PCDH15: variants seen among roughly 807,000 people sequenced by gnomAD.
PCDH15 encodes the protein protocadherin-15.
In PCDH15, 129 loss-of-function variants were observed where a neutral mutation model predicts 178.5. The observed-to-expected ratio is 0.72, with a 90% CI of 0.63 to 0.84. The LOEUF is 0.84. PCDH15 is among the 40% of genes least tolerant of loss of function. PCDH15 has a pLI of 0.00. For synonymous variants in PCDH15, 800 were observed against 732.0 expected, an observed-to-expected ratio of 1.09 and a Z score of -1.50; for missense variants, 2,230 against 2,099.9, an observed-to-expected ratio of 1.06 and a Z score of -1.21.
intron 3 of PCDH15, among the ~76,000 whole-genome samples, chr10:54,489,334 T>C (rs1314476171): frequency 6.7e-6 from 1 of 148,334 alleles, no homozygotes; most frequent in African/African-American, 2.4e-5. Flanking sequence ...TACAATTTAG[T>C]GTGCCTTTTA....
rs1303774226 is a variant in PCDH15 at position 54,169,997 on chromosome 10, A to G, written c.1590+13447T>C. Among the ~76,000 whole-genome samples, 4 of 150,472 alleles carry G rather than the reference A, an allele frequency of 2.7e-5. No individual in the cohort carries two copies. In the East Asian group the frequency reaches 5.8e-4, roughly 22 times the overall value. On this transcript the variant is annotated intron_variant, in intron 13 of 37. Transcript: ENST00000644397. ...CCTCTATAACCCATTATTCTGTTCT[A>G]GATCTCAAACATGCTTTCTTTACTA...
Position 54,763,498 on chromosome 10 carries a change from G to A in PCDH15, c.-29+37427C>T, listed in dbSNP as rs114690110. 7.5e-3 allele frequency among the ~76,000 whole-genome samples: 1,146 copies of A among 152,100 alleles called. 14 individuals are homozygous for A. The highest frequency in any genetic ancestry group is 0.026 in the African/African-American group (1,065 of 41,456). ...ACTGTGTGGAGTTTATTTGGTTAAT[G>A]GGACCAAACATACAGTTAGGTAGAA... On this transcript the variant is annotated intron_variant, in intron 1 of 37. Coordinates refer to ENST00000644397, the MANE Select transcript of PCDH15 (RefSeq NM_001384140.1).
At chr10:54,566,042 C>A (rs761788320) in intron 2 of PCDH15, among the ~76,000 whole-genome samples, 6 of 152,162 alleles carry the variant, frequency 3.9e-5, no homozygotes, top group African/African-American at 1.2e-4. Flanking sequence ...TGAGATCGTG[C>A]CATTTCACTC....
chr10:55,131,203 T>C (rs1424477359), intron 2 of PCDH15, among the ~76,000 whole-genome samples: 1 of 152,130 alleles, frequency 6.6e-6, no homozygotes. Context: ...TCATCCCTCT[T>C]TCCCCACTAC....
intron 2 of PCDH15, among the ~76,000 whole-genome samples, chr10:55,520,567 G>A (rs892761149): frequency 6.7e-6 from 1 of 148,760 alleles, no homozygotes; most frequent in African/African-American, 2.5e-5. Flanking sequence ...TTTTATTCTA[G>A]GAAGAACATA....
chr10:53,986,969 AC>A (rs796996989), intron 21 of PCDH15, among the ~76,000 whole-genome samples: 109 of 152,224 alleles, frequency 7.2e-4, no homozygotes, highest in Middle Eastern at 3.4e-3. Context: ...TGAAGTTGAA[AC>A]CAGACATTCT....
chr10:55,147,846 C>T (rs1838573490), intron 2 of PCDH15, among the ~76,000 whole-genome samples: 2 of 151,306 alleles, frequency 1.3e-5, no homozygotes, highest in Non-Finnish European at 3.0e-5. Flanking sequence ...TTCTCCTCTT[C>T]CTGTCTATCT....
At chr10:53,961,727 C>G in intron 22 of PCDH15, 25 bp downstream of exon 22, 1 of 1,578,784 alleles carries the variant, frequency 6.3e-7, no homozygotes, top group Non-Finnish European at 8.6e-7. Context: ...ATCAAATAGA[C>G]CACATAATGA....
chr10:53,841,962 A>C (rs927914588), intron 28 of PCDH15, among the ~76,000 whole-genome samples: 1 of 151,826 alleles, frequency 6.6e-6, no homozygotes, highest in Non-Finnish European at 1.5e-5. Context: ...AAAAAAAAAA[A>C]AAACAACCCC....
intron 2 of PCDH15, among the ~76,000 whole-genome samples, chr10:54,631,069 G>A (rs933934221): frequency 2.6e-5 from 4 of 152,120 alleles, no homozygotes; most frequent in South Asian, 2.1e-4. Flanking sequence ...TGTAATCCCC[G>A]ATGTTGGAGG....
At chr10:54,634,477 T>TCC (rs2093792701) in intron 2 of PCDH15, among the ~76,000 whole-genome samples, 1 of 152,086 alleles carries the variant, frequency 6.6e-6, no homozygotes, top group Non-Finnish European at 1.5e-5. Flanking sequence ...GTCTCTGGAC[T>TCC]TACTGTATTT....
At chr10:55,159,443 A>T (rs1838999543) in intron 2 of PCDH15, among the ~76,000 whole-genome samples, 1 of 149,384 alleles carries the variant, frequency 6.7e-6, no homozygotes. Context: ...CTACCTATAC[A>T]TACACTATAC....
chr10:54,695,066 G>A (rs2095198426), intron 1 of PCDH15, among the ~76,000 whole-genome samples: 2 of 151,866 alleles, frequency 1.3e-5, no homozygotes, highest in African/African-American at 4.8e-5. Context: ...TTGTGGGGTA[G>A]GGGGAGGGGG....
At chr10:55,300,470 G>A (rs1843245154) in intron 1 of PCDH15, among the ~76,000 whole-genome samples, 1 of 152,062 alleles carries the variant, frequency 6.6e-6, no homozygotes, top group Non-Finnish European at 1.5e-5. Context: ...TTTCTGTCAA[G>A]CAATATACCT....
intron 18 of PCDH15, among the ~76,000 whole-genome samples, chr10:54,051,257 G>C (rs2093767049): frequency 6.6e-6 from 1 of 152,200 alleles, no homozygotes; most frequent in Admixed American, 6.5e-5. Flanking sequence ...GCAGAGGCTG[G>C]AACAGTTTGG....
At chr10:55,498,984 T>C (rs769689034) in intron 2 of PCDH15, among the ~76,000 whole-genome samples, 1 of 151,928 alleles carries the variant, frequency 6.6e-6, no homozygotes, top group African/African-American at 2.4e-5. Context: ...TGAAAAATTA[T>C]GTCTAGTTGA....
At chr10:54,005,591 A>C (rs1302169222) in intron 20 of PCDH15, among the ~76,000 whole-genome samples, 1 of 152,178 alleles carries the variant, frequency 6.6e-6, no homozygotes, top group African/African-American at 2.4e-5. Context: ...AGAAATGCAA[A>C]TCAAACTTAC....
At chr10:55,267,332 G>C (rs897885236) in intron 1 of PCDH15, among the ~76,000 whole-genome samples, 11 of 152,024 alleles carry the variant, frequency 7.2e-5, no homozygotes, top group Non-Finnish European at 1.2e-4. Flanking sequence ...TGTCATTGAA[G>C]CATTTACCTT....
chr10:55,058,850 C>G (rs1841366420), intron 2 of PCDH15, among the ~76,000 whole-genome samples: 1 of 152,114 alleles, frequency 6.6e-6, no homozygotes, highest in Non-Finnish European at 1.5e-5. Context: ...TCACAAAACC[C>G]TGTCTTTCAC....
Sources: gnomAD v4.1 joint callset for allele counts (sites outside exome capture counted in the v4.1 genomes callset) on GRCh38, gnomAD v4.1.1 for gene constraint, MANE v1.5 for transcripts, NCBI Gene and HGNC (gene_info 2026-07-23, HGNC 2026-07-21) for gene names.